SNX31: variants seen among roughly 807,000 people sequenced by gnomAD.
The protein encoded by SNX31 is sorting nexin-31.
SNX31 carries 58 observed loss-of-function variants against 65.4 expected under a neutral mutation model. That is an observed-to-expected ratio of 0.89 (90% CI 0.72 to 1.10). The LOEUF (loss-of-function observed/expected upper bound fraction) is 1.10. Among genes scored for constraint, SNX31 ranks in the 50% least tolerant of loss-of-function variants. SNX31 has a pLI of 0.00. For missense variants in SNX31, 523 were observed against 529.7 expected (o/e 0.99, Z 0.12); for synonymous variants, 181 against 190.1 (o/e 0.95, Z 0.39).
At chr8:100,616,663 C>T (rs1032357171) in intron 5 of SNX31, among the ~76,000 whole-genome samples, 3 of 152,100 alleles carry the variant, frequency 2.0e-5, no homozygotes, top group African/African-American at 7.2e-5. Context: ...ACAATGAGGG[C>T]TGGAGCTAAG....
chr8:100,633,765 CA>C (rs1818566784), intron 3 of SNX31, among the ~76,000 whole-genome samples: 2 of 151,890 alleles, frequency 1.3e-5, no homozygotes, highest in African/African-American at 4.8e-5. Flanking sequence ...CATACACACA[CA>C]AGGAAAAAAG....
chr8:100,640,168 C>T (rs978126005), intron 2 of SNX31, among the ~76,000 whole-genome samples: 3 of 152,056 alleles, frequency 2.0e-5, no homozygotes, highest in Admixed American at 2.0e-4. Context: ...GCTCTTGTTG[C>T]CCAGGCTGGA....
chr8:100,641,796 A>T (rs1196862684), intron 2 of SNX31, among the ~76,000 whole-genome samples: 3 of 149,074 alleles, frequency 2.0e-5, no homozygotes, highest in Non-Finnish European at 4.5e-5. Flanking sequence ...AAAATATTAT[A>T]GGCCGGGCGT....
chr8:100,616,998 G>A (rs1817267120), intron 5 of SNX31, among the ~76,000 whole-genome samples: 2 of 152,172 alleles, frequency 1.3e-5, no homozygotes, highest in African/African-American at 4.8e-5. Flanking sequence ...GGATGTGAGT[G>A]TGAGAAGACA....
At chr8:100,615,630 C>T (rs1272493916) in intron 5 of SNX31, among the ~76,000 whole-genome samples, 4 of 152,304 alleles carry the variant, frequency 2.6e-5, no homozygotes, top group Non-Finnish European at 5.9e-5. Context: ...CTAGGCTAGA[C>T]GGTATGGCCC....
At position 100,576,695 on chromosome 8, in the gene SNX31, A is replaced by G. The variant is rs1320138671; in HGVS notation, c.1227+324T>C. On this transcript the variant is annotated intron_variant, in intron 13 of 13. Coordinates refer to ENST00000311812, the MANE Select transcript of SNX31 (RefSeq NM_152628.4). The surrounding 1 kb of genome is among the most constrained non-coding windows in gnomAD (Gnocchi z 4.8). ...TATACTGCAGAAAACTATGAGACCA[A>G]AATATACTAGATATGTAACATATAC... Among the ~76,000 whole-genome samples, 1 of 152,190 alleles carries G rather than the reference A, an allele frequency of 6.6e-6. No individual in the cohort carries two copies. Among genetic ancestry groups the G allele is most frequent in the African/African-American group, 2.4e-5 (1 of 41,448 alleles).
chr8:100,618,196 G>T, intron 4 of SNX31: 1 of 1,427,964 alleles, frequency 7.0e-7, no homozygotes, highest in South Asian at 1.5e-5. Flanking sequence ...GGGTTGTTTT[G>T]TGGGGTATAG....
At chr8:100,653,718 T>C (rs1820011853), upstream of SNX31, among the ~76,000 whole-genome samples, 4 of 152,168 alleles carry the variant, frequency 2.6e-5, no homozygotes, top group South Asian at 6.2e-4. Flanking sequence ...CACTTTGTTA[T>C]GGAAGCCATA....
intron 1 of SNX31, among the ~76,000 whole-genome samples, chr8:100,659,705 C>A (rs183186658): frequency 1.5e-4 from 23 of 152,018 alleles, no homozygotes; most frequent in African/African-American, 5.6e-4. Context: ...GTTTCCTCAA[C>A]CCCAAGACAA....
chr8:100,594,297 C>G lies in SNX31; in HGVS notation c.978+2342G>C, dbSNP rs531425804. 3.3e-5 allele frequency among the ~76,000 whole-genome samples: 5 copies of G among 152,248 alleles called. No individual in the cohort carries two copies. The highest frequency in any genetic ancestry group is 3.3e-4 in the Admixed American group (5 of 15,284). ...CCAGCCTGGGCGACAGAGCAAGACTCTGTCTCAAAACAAAACCAAAACAAG... is the reference window on the plus strand; with the variant it reads ...CCAGCCTGGGCGACAGAGCAAGACTGTGTCTCAAAACAAAACCAAAACAAG... On this transcript the variant is annotated intron_variant, in intron 10 of 13. Transcript: ENST00000311812. This position sits in a 1 kb window ranked among gnomAD's most constrained non-coding sequence, Gnocchi z 4.0.
At chr8:100,585,895 T>A (rs1355800388) in intron 11 of SNX31, among the ~76,000 whole-genome samples, 1 of 152,164 alleles carries the variant, frequency 6.6e-6, no homozygotes, top group African/African-American at 2.4e-5. Flanking sequence ...ATAAAAAATT[T>A]AAAAAAGACA....
chr8:100,581,888 C>T (rs1041846890), intron 12 of SNX31, among the ~76,000 whole-genome samples: 1 of 152,166 alleles, frequency 6.6e-6, no homozygotes, highest in African/African-American at 2.4e-5. Flanking sequence ...ACTGTCTGCT[C>T]TCTCTACCTC....
Position 100,608,503 on chromosome 8 carries a change from G to A in SNX31, c.672C>T (p.Leu224=). ...LMDCRVAVDL[L]YMQAIQDIEK... ...TCTTGGTGACCCTCACCTGCATGTA[G>A]AGCAAATCTACCGCCACCCTGCAGT... The change falls in exon 8 of 14, where the codon CTC becomes CTT. Residue 224 remains leucine, a synonymous_variant. Coordinates refer to ENST00000311812, the MANE Select transcript of SNX31 (RefSeq NM_152628.4). 1.2e-6 allele frequency: 2 copies of A among 1,614,066 alleles called. No homozygotes were observed. The highest frequency in any genetic ancestry group is 2.2e-5 in the East Asian group (1 of 44,876).
chr8:100,659,421 A>C lies in SNX31; in HGVS notation c.-58+3721T>G, dbSNP rs182907522. Among the ~76,000 whole-genome samples, 70 of 150,376 alleles carry C rather than the reference A, an allele frequency of 4.7e-4. 1 individual carries two copies. Among genetic ancestry groups the C allele is most frequent in the Non-Finnish European group, 6.2e-4 (42 of 67,620 alleles). Reference sequence around the variant, plus strand: ...CTGTTCTTTTCATTCAGGGTCAAGGAGCACAGCAAGACATTTCTGAGGCTG... The same window carrying C: ...CTGTTCTTTTCATTCAGGGTCAAGGCGCACAGCAAGACATTTCTGAGGCTG... On this transcript the variant is annotated intron_variant, in intron 1 of 5. Transcript: ENST00000520352.
chr8:100,584,108 C>T lies in SNX31; in HGVS notation c.1170+3G>A. The stretch of plus-strand genomic sequence containing the variant: ...AAAAATAGACACAGATAAGAGCACT[C>T]ACCATTTCTGTATTCTCAGCAGCTA... On this transcript the variant is annotated splice_donor_region_variant and intron_variant, in intron 12 of 13. Transcript: ENST00000311812. The T allele has an allele frequency of 6.2e-7, 1 of 1,603,030 alleles. No homozygotes were observed. Among genetic ancestry groups the T allele is most frequent in the South Asian group, 1.1e-5 (1 of 89,146 alleles).
In SNX31 at chr8:100,630,176, C is replaced by T. The variant is rs1448323517; in HGVS notation, c.321+151G>A. The T allele has an allele frequency of 7.8e-6, 5 of 642,522 alleles. No individual in the cohort carries two copies. The highest frequency in any genetic ancestry group is 1.3e-5 in the Non-Finnish European group (5 of 382,144). The allele number at this position is 642,522 out of a possible 1,614,324, so 39.8% of individuals were successfully genotyped here. ...TCCAAAAGAACAAAATAGGAACCAT[C>T]CCCCAATTGACTTGAAATGAATATA... On this transcript the variant is annotated intron_variant, in intron 4 of 13. Transcript: ENST00000311812. The surrounding 1 kb of genome is among the most constrained non-coding windows in gnomAD (Gnocchi z 5.3).
intron 12 of SNX31, among the ~76,000 whole-genome samples, 190 bp downstream of exon 12, chr8:100,583,921 G>C (rs1291033031): frequency 6.6e-6 from 1 of 152,166 alleles, no homozygotes; most frequent in Non-Finnish European, 1.5e-5. Context: ...CTAAAGACAG[G>C]CTTCCTTCTG....
chr8:100,584,106 C>G lies in SNX31; in HGVS notation c.1170+5G>C, dbSNP rs1813806826. On this transcript the variant is annotated splice_donor_5th_base_variant and intron_variant, in intron 12 of 13. Transcript: ENST00000311812. ...TGAAAAATAGACACAGATAAGAGCACTCACCATTTCTGTATTCTCAGCAGC... is the reference window on the plus strand; with the variant it reads ...TGAAAAATAGACACAGATAAGAGCAGTCACCATTTCTGTATTCTCAGCAGC... The G allele has an allele frequency of 4.4e-6, 7 of 1,601,610 alleles. No individual in the cohort carries two copies. Among genetic ancestry groups the G allele is most frequent in the Non-Finnish European group, 6.0e-6 (7 of 1,174,906 alleles).
chr8:100,604,041 T>C lies in SNX31; in HGVS notation c.682-3600A>G, dbSNP rs1001900652. ...GCGTGAGCCACTGCGCCCAGCTTTATATCATTACCTTTGAAAAGAGTTGAC... is the reference window on the plus strand; with the variant it reads ...GCGTGAGCCACTGCGCCCAGCTTTACATCATTACCTTTGAAAAGAGTTGAC... On this transcript the variant is annotated intron_variant, in intron 8 of 13. Coordinates refer to ENST00000311812, the MANE Select transcript of SNX31 (RefSeq NM_152628.4). This position sits in a 1 kb window ranked among gnomAD's most constrained non-coding sequence, Gnocchi z 4.3. Among the ~76,000 whole-genome samples the C allele has an allele frequency of 2.3e-4, 35 of 152,190 alleles. No individual in the cohort carries two copies. Among genetic ancestry groups the C allele is most frequent in the African/African-American group, 8.2e-4 (34 of 41,450 alleles).
Sources: allele counts gnomAD v4.1 joint callset (sites outside exome capture counted in the v4.1 genomes callset), GRCh38; gene constraint gnomAD v4.1.1; non-coding constraint Gnocchi (gnomAD v3.1); transcripts MANE v1.5; gene names NCBI Gene and HGNC (gene_info 2026-07-23, HGNC 2026-07-21).